Variants in TNFAIP2 observed in about 807,000 individuals in gnomAD.
The protein encoded by TNFAIP2 is tumor necrosis factor alpha-induced protein 2.
A neutral mutation model predicts 63.5 loss-of-function variants in TNFAIP2; 47 were observed. The observed-to-expected ratio is 0.74, with a 90% confidence interval of 0.59 to 0.94. The LOEUF (loss-of-function observed/expected upper bound fraction) is 0.94, where lower values mean the gene tolerates loss of function less well. Among genes scored for constraint, TNFAIP2 ranks in the 40% least tolerant of loss-of-function variants. TNFAIP2 has a pLI of 0.00. For synonymous variants in TNFAIP2, 405 were observed against 390.2 expected (o/e 1.04, Z -0.45); for missense variants, 787 against 850.2 (o/e 0.93, Z 0.92).
chr14:103,131,785 A>C lies in TNFAIP2; in HGVS notation c.1422+23A>C. 6.2e-7 allele frequency: 1 copy of C among 1,605,606 alleles called. No homozygotes were observed. Among genetic ancestry groups the C allele is most frequent in the East Asian group, 2.2e-5 (1 of 44,698 alleles). ...AAGGTAGCGGGAGCCTCTTGCCCTC[A>C]GGAGCCCAGTGTTGGGGGGTTCCCA... is the stretch of plus-strand genomic sequence containing the variant. On this transcript the variant is annotated intron_variant, in intron 8 of 11. Transcript: ENST00000560869. This position sits in a 1 kb window ranked among gnomAD's most constrained non-coding sequence, Gnocchi z 4.0.
chr14:103,123,076 C>A (rs10136760), upstream of TNFAIP2: 4,405 of 262,020 alleles, frequency 0.017, 179 homozygotes, highest in African/African-American at 0.094. Context: ...CGGGCTCTCC[C>A]GCAGCTGGAG....
chr14:103,133,675 C>A lies in TNFAIP2; in HGVS notation c.1702-7C>A. ...CTGGGTCCCTCCAACCACACCCACT[C>A]CTGCAGGGCTCCCCGGCGACCTGGC... On this transcript the variant is annotated splice_region_variant and splice_polypyrimidine_tract_variant and intron_variant, in intron 10 of 11. Transcript: ENST00000560869. The A allele has an allele frequency of 6.4e-7, 1 of 1,560,130 alleles. No individual in the cohort carries two copies. Among genetic ancestry groups the A allele is most frequent in the South Asian group, 1.2e-5 (1 of 83,880 alleles).
At chr14:103,122,501 C>G, upstream of TNFAIP2, 1 of 360,724 alleles carries the variant, frequency 2.8e-6, no homozygotes, top group South Asian at 1.9e-5. Context: ...GCAGGAATTC[C>G]TAGCCTAGAG....
At chr14:103,123,156 C>T (rs865824704), upstream of TNFAIP2, 154 of 238,710 alleles carry the variant, frequency 6.5e-4, no homozygotes, top group African/African-American at 3.1e-3. Context: ...CGTCGTCGGA[C>T]AATGGCTCCG....
upstream of TNFAIP2, among the ~76,000 whole-genome samples, chr14:103,123,242 C>A (rs533791927): frequency 6.6e-6 from 1 of 152,220 alleles, no homozygotes; most frequent in Non-Finnish European, 1.5e-5. Context: ...GCCCCCCGCC[C>A]CTGCCCGGCT....
rs2088083586 is a variant in TNFAIP2, at chr14:103,135,805, G to A, written c.*445G>A. The A allele has an allele frequency of 7.7e-7, 1 of 1,294,180 alleles. No homozygotes were observed. Among genetic ancestry groups the A allele is most frequent in the Admixed American group, 2.3e-5 (1 of 43,670 alleles). 80.2% of individuals were successfully genotyped at this position (1,294,180 alleles called of 1,614,324 possible). On this transcript the variant is annotated 3_prime_UTR_variant, in exon 12 of 12. Coordinates refer to ENST00000560869, the MANE Select transcript of TNFAIP2 (RefSeq NM_006291.4). The surrounding 1 kb of genome is among the most constrained non-coding windows in gnomAD (Gnocchi z 7.6). ...GCCGAGCCTCACCCATCTGCCCTCTGCAGCCCAGGGCCGCCGTGAGCGGGA... is the reference window on the plus strand; with the variant it reads ...GCCGAGCCTCACCCATCTGCCCTCTACAGCCCAGGGCCGCCGTGAGCGGGA...
At chr14:103,126,857 G>A in intron 2 of TNFAIP2, 148 bp from the exon 3 acceptor site, 1 of 1,364,700 alleles carries the variant, frequency 7.3e-7, no homozygotes, top group Non-Finnish European at 9.7e-7. Context: ...GAGGCCTTCA[G>A]CCTAGTCAGG....
chr14:103,132,507 CT>C, intron 8 of TNFAIP2, among the ~76,000 whole-genome samples: 1 of 152,210 alleles, frequency 6.6e-6, no homozygotes, highest in Non-Finnish European at 1.5e-5. Context: ...GGCAGACAGG[CT>C]CTCCTGGCTC....
chr14:103,131,826 G>A lies in TNFAIP2; in HGVS notation c.1422+64G>A, dbSNP rs2087981601. The A allele has an allele frequency of 5.7e-6, 9 of 1,566,818 alleles. No individual in the cohort carries two copies. The highest frequency in any genetic ancestry group is 1.3e-5 in the African/African-American group (1 of 74,090). ...GGGGTTCCCAGGGAGGGACTGGGAG[G>A]TGCCCCCAGGGAGGAGTGGCAGAAG... On this transcript the variant is annotated intron_variant, in intron 8 of 11. Coordinates refer to ENST00000560869, the MANE Select transcript of TNFAIP2 (RefSeq NM_006291.4). The surrounding 1 kb of genome is among the most constrained non-coding windows in gnomAD (Gnocchi z 4.0).
chr14:103,133,097 T>C (rs2088015827), intron 9 of TNFAIP2, among the ~76,000 whole-genome samples: 1 of 152,208 alleles, frequency 6.6e-6, no homozygotes, highest in Admixed American at 6.5e-5. Context: ...CACGAGCATG[T>C]GAACACATGC....
chr14:103,135,328 C>T lies in TNFAIP2; in HGVS notation c.1933C>T (p.Arg645Trp), dbSNP rs1166672622. The change falls in exon 12 of 12, where the codon CGG (arginine) becomes TGG (tryptophan). Residue 645 changes from arginine (R) to tryptophan (W), a missense_variant. Arg to Trp is a moderately radical substitution (Grantham distance 101). Around this residue, in one of 3 missense-constraint regions of TNFAIP2, gnomAD observed 523 missense variants for 604.1 expected, o/e 0.87. Transcript: ENST00000560869. This position sits in a 1 kb window ranked among gnomAD's most constrained non-coding sequence, Gnocchi z 7.6. ...DVSMGAQEPS[R>W]PLFSLIKVG ...CAGCATGGGGGCGCAGGAGCCCTCC[C>T]GGCCCCTATTTTCCCTTATAAAGGT... The T allele has an allele frequency of 1.1e-5, 17 of 1,612,988 alleles. No homozygotes were observed. The highest frequency in any genetic ancestry group is 2.2e-5 in the East Asian group (1 of 44,886).
chr14:103,126,838 G>A, intron 2 of TNFAIP2, 146 bp downstream of exon 2: 2 of 1,339,006 alleles, frequency 1.5e-6, no homozygotes, highest in Non-Finnish European at 2.0e-6. Flanking sequence ...CCGCAATCTG[G>A]GGGGCTGGGA....
At chr14:103,130,536 C>T in intron 6 of TNFAIP2, 121 bp downstream of exon 6, 1 of 956,152 alleles carries the variant, frequency 1.0e-6, no homozygotes, top group Non-Finnish European at 1.6e-6. Context: ...CCCTGTCATT[C>T]TGAGCCAGGA....
chr14:103,121,859 C>T (rs1055492913), upstream of TNFAIP2, among the ~76,000 whole-genome samples: 4 of 126,534 alleles, frequency 3.2e-5, no homozygotes, highest in African/African-American at 1.2e-4. Context: ...AGCAATTTCC[C>T]GATCTGCTTG....
rs534324268 is a variant in TNFAIP2, at chr14:103,130,968, G to A, written c.1200-84G>A. 1.8e-5 allele frequency: 25 copies of A among 1,416,302 alleles called. No homozygotes were observed. The South Asian group carries it at 2.8e-4, about 16-fold the overall frequency. 87.7% of individuals were successfully genotyped at this position (1,416,302 alleles called of 1,614,324 possible). Reference sequence around the variant, plus strand: ...AGCCAAACAGAAAAGTGAACCCCAGGAGCTGGCAGGGAGGGCAGGGAGGCT... The same window carrying A: ...AGCCAAACAGAAAAGTGAACCCCAGAAGCTGGCAGGGAGGGCAGGGAGGCT... On this transcript the variant is annotated intron_variant, in intron 6 of 11. Transcript: ENST00000560869.
chr14:103,133,649 C>T, intron 10 of TNFAIP2, 33 bp from the exon 11 acceptor site: 1 of 1,549,916 alleles, frequency 6.5e-7, no homozygotes, highest in South Asian at 1.2e-5. Flanking sequence ...CCTCTGGACC[C>T]CTGGGTCCCT....
At position 103,136,747 on chromosome 14, in the gene TNFAIP2, C is replaced by A. The variant is rs1172977395; in HGVS notation, c.*1387C>A. The A allele has an allele frequency of 6.6e-6, 1 of 152,218 alleles. No homozygotes were observed. Among genetic ancestry groups the A allele is most frequent in the Non-Finnish European group, 1.5e-5 (1 of 68,104 alleles). 9.4% of individuals were successfully genotyped at this position (152,218 alleles called of 1,614,324 possible). On this transcript the variant is annotated 3_prime_UTR_variant, in exon 12 of 12. Coordinates refer to ENST00000560869, the MANE Select transcript of TNFAIP2 (RefSeq NM_006291.4). ...TCTGGAACTCCTGGGCTCAAGGGAT[C>A]TTGTAGCCTTAGCCTCCTAAAGTGC...
In TNFAIP2 at chr14:103,129,721, C is replaced by T; in HGVS notation, c.861-19C>T. 2 of 1,610,096 alleles carry T rather than the reference C, an allele frequency of 1.2e-6. No homozygotes were observed. The highest frequency in any genetic ancestry group is 1.7e-6 in the Non-Finnish European group (2 of 1,176,624). ...TGATTTGGTATAGTTGTCCTCATGC[C>T]AGCCTCCCCTGCCTGCAGTGACATC... is the stretch of plus-strand genomic sequence containing the variant. On this transcript the variant is annotated intron_variant, in intron 3 of 11. Coordinates refer to ENST00000560869, the MANE Select transcript of TNFAIP2 (RefSeq NM_006291.4).
In TNFAIP2 at chr14:103,127,571, G is replaced by T; in HGVS notation, c.802G>T (p.Glu268Ter). 6.4e-7 allele frequency: 1 copy of T among 1,574,560 alleles called. No individual in the cohort carries two copies. Residue 268 changes from glutamate to a stop codon, truncating the protein, a stop_gained, in exon 3 of 12, where the codon GAG becomes TAG. Coordinates refer to ENST00000560869, the MANE Select transcript of TNFAIP2 (RefSeq NM_006291.4). LOFTEE classifies it high-confidence loss of function. This position sits in a 1 kb window ranked among gnomAD's most constrained non-coding sequence, Gnocchi z 5.1. ...CCACCTGGCCGCCGTGGCGCAGTTC[G>T]AGCTGTGCGAGCGCGACACCTACAT... The part of the protein sequence containing the change: ...AAHLAAVAQF[E>*]LCERDTYMLL...
Sources: gnomAD v4.1 joint callset for allele counts (sites outside exome capture counted in the v4.1 genomes callset) on GRCh38, gnomAD v4.1.1 for gene constraint, gnomAD v4.1.1 regional missense constraint, Gnocchi (gnomAD v3.1) non-coding constraint, MANE v1.5 for transcripts, NCBI Gene and HGNC (gene_info 2026-07-23, HGNC 2026-07-21) for gene names.